CFAP47: variants seen among roughly 807,000 people sequenced by gnomAD.
CFAP47 encodes the protein cilia- and flagella-associated protein 47.
A neutral mutation model predicts 148.1 loss-of-function variants in CFAP47; 29 were observed. The observed-to-expected ratio is 0.20, with a 90% CI of 0.15 to 0.27. The LOEUF is 0.27. CFAP47 is among the 10% of genes least tolerant of loss of function. CFAP47 has a pLI of 1.00. For missense variants in CFAP47, 1,872 were observed against 1,697.5 expected, an observed-to-expected ratio of 1.10 and a Z score of -1.81; for synonymous variants, 664 against 577.3, an observed-to-expected ratio of 1.15 and a Z score of -2.15.
chrX:36,229,690 A>G (rs1370010618), intron 46 of CFAP47, among the ~76,000 whole-genome samples: 1 of 109,170 alleles, frequency 9.2e-6, no homozygotes, highest in Admixed American at 9.8e-5. Context: ...TACATGTGCC[A>G]TGCTGGTGTG....
In CFAP47 at chrX:36,179,537, A is replaced by G. The variant is rs1939725560; in HGVS notation, c.6104+115A>G. The G allele has an allele frequency of 1.9e-5, 5 of 270,051 alleles. No homozygotes were observed. The East Asian group carries it at 2.1e-4, about 11-fold the overall frequency. The allele number at this position is 270,051 out of a possible 1,213,427, so 22.3% of individuals were successfully genotyped here. On this transcript the variant is annotated intron_variant, in intron 40 of 63. Transcript: ENST00000378653. ...AGTTTACATTTATTCAAAATGTTTA[A>G]TTTACCTAATTCACACTCATATCCA...
chrX:36,128,323 A>G (rs1938883103), intron 33 of CFAP47, among the ~76,000 whole-genome samples: 1 of 111,275 alleles, frequency 9.0e-6, no homozygotes, highest in African/African-American at 3.3e-5. Flanking sequence ...TGTTATGCCT[A>G]TAAAGTAGCT....
At chrX:35,985,944 C>G in intron 15 of CFAP47, 1 of 338,271 alleles carries the variant, frequency 3.0e-6, no homozygotes. Flanking sequence ...GTGATTCTCT[C>G]AGTTAAATAC....
chrX:36,016,268 C>A (rs1040325914), intron 22 of CFAP47, among the ~76,000 whole-genome samples: 7 of 110,117 alleles, frequency 6.4e-5, no homozygotes, highest in African/African-American at 2.3e-4. Context: ...TGCTTTTGTA[C>A]CCATATACCA....
At chrX:36,267,308 G>A (rs1940904116) in intron 49 of CFAP47, among the ~76,000 whole-genome samples, 3 of 110,852 alleles carry the variant, frequency 2.7e-5, no homozygotes, top group Non-Finnish European at 5.7e-5. Context: ...GCTTATTTCA[G>A]TGAAAAAAGC....
At chrX:36,107,861 C>T (rs1038618673) in intron 33 of CFAP47, among the ~76,000 whole-genome samples, 9 of 111,250 alleles carry the variant, frequency 8.1e-5, no homozygotes, top group Non-Finnish European at 1.7e-4. Context: ...CTTTTTCTTA[C>T]GTCTCTTTTC....
chrX:36,280,598 A>C lies in CFAP47; in HGVS notation c.7556A>C (p.Glu2519Ala), dbSNP rs1941068042. The change falls in exon 50 of 64, where the codon GAA becomes GCA. Residue 2519 changes from glutamate to alanine, a missense_variant. By Grantham distance (107) the Glu-to-Ala change is moderately radical. Transcript: ENST00000378653. ...QALSCLDSIT[E>A]QSSILDDADT... is the part of the protein sequence containing the mutation. ...CTCTCCTGTCTTGATTCAATAACAG[A>C]ACAATCTAGCATTTTGGATGATGCA... The C allele has an allele frequency of 2.0e-6, 1 of 504,751 alleles. No individual in the cohort carries two copies. 41.6% of individuals were successfully genotyped at this position (504,751 alleles called of 1,213,427 possible). A position where few individuals can be genotyped will look rare whatever the true frequency, so the allele number is the denominator to read the frequency against.
At chrX:36,240,126 C>A (rs1432553627) in intron 48 of CFAP47, among the ~76,000 whole-genome samples, 1 of 111,474 alleles carries the variant, frequency 9.0e-6, no homozygotes. Flanking sequence ...TGAAAACAAA[C>A]CATTAGGAGG....
intron 4 of CFAP47, among the ~76,000 whole-genome samples, chrX:35,948,708 A>G (rs1031357989): frequency 2.7e-5 from 3 of 111,588 alleles, no homozygotes; most frequent in African/African-American, 9.8e-5. Flanking sequence ...GAAGGGCTCC[A>G]CTAACAAGGT....
chrX:36,183,853 T>A (rs947573197), intron 40 of CFAP47, among the ~76,000 whole-genome samples: 7 of 111,842 alleles, frequency 6.3e-5, no homozygotes, highest in Non-Finnish European at 9.4e-5. Context: ...TTGAAATTAA[T>A]GAATGGAACA....
At chrX:36,340,635 T>C (rs797029056) in intron 57 of CFAP47, among the ~76,000 whole-genome samples, 2 of 111,480 alleles carry the variant, frequency 1.8e-5, no homozygotes, top group South Asian at 7.5e-4. Flanking sequence ...TAACCTAATT[T>C]TCACTTAATC....
rs1940298846 is a variant in CFAP47 at position 36,228,632 on chromosome X, A to C, written c.6822A>C (p.Ser2274=). ...QVIKLSKAKA[S]DGSVPLPLQF... ...GTTTTAAAATTATTTTGATAGCTTCAGATGGATCTGTTCCACTTCCTTTGC... is the reference window on the plus strand; with the variant it reads ...GTTTTAAAATTATTTTGATAGCTTCCGATGGATCTGTTCCACTTCCTTTGC... The change falls in exon 46 of 64, where the codon TCA becomes TCC. Residue 2274 remains serine, a synonymous_variant. Transcript: ENST00000378653. 1 of 522,534 alleles carries C rather than the reference A, an allele frequency of 1.9e-6. No individual in the cohort carries two copies. The highest frequency in any genetic ancestry group is 3.5e-6 in the Non-Finnish European group (1 of 285,691). The allele number at this position is 522,534 out of a possible 1,213,427, so 43.1% of individuals were successfully genotyped here. A position where few individuals can be genotyped will look rare whatever the true frequency, so the allele number is the denominator to read the frequency against.
At chrX:36,174,424 TGCA>T (rs1481605079) in intron 39 of CFAP47, among the ~76,000 whole-genome samples, 5 of 110,708 alleles carry the variant, frequency 4.5e-5, no homozygotes, top group African/African-American at 1.3e-4. Flanking sequence ...GGCATGATTT[TGCA>T]GCAGCTGGTA....
At chrX:36,245,506 A>C in intron 48 of CFAP47, among the ~76,000 whole-genome samples, 1 of 112,322 alleles carries the variant, frequency 8.9e-6, no homozygotes, top group Middle Eastern at 4.7e-3. Context: ...ATAAACAAAT[A>C]GAAGTATGAA....
intron 51 of CFAP47, among the ~76,000 whole-genome samples, chrX:36,292,387 A>G (rs1401031414): frequency 2.7e-5 from 3 of 112,195 alleles, no homozygotes; most frequent in Non-Finnish European, 5.6e-5. Flanking sequence ...GATACTTTCA[A>G]AATACCCATT....
chrX:35,989,342 C>G lies in CFAP47; in HGVS notation c.2737C>G (p.Leu913Val). The change falls in exon 16 of 64, where the codon CTG (leucine) becomes GTG (valine). Residue 913 changes from leucine (L) to valine (V), a missense_variant. Transcript: ENST00000378653. The stretch of plus-strand genomic sequence containing the variant: ...AGGCACTGTTGAAGCATATTCCTCA[C>G]TGGAATGTGAAGTAACTTGGCAGCA... ...AKGTVEAYSS[L>V]ECEVTWQQGF... 8.3e-7 allele frequency: 1 copy of G among 1,205,206 alleles called. No individual in the cohort carries two copies. The highest frequency in any genetic ancestry group is 2.2e-5 in the Admixed American group (1 of 45,804).
In CFAP47 at chrX:36,073,143, G is replaced by A. The variant is rs780431630; in HGVS notation, c.4470G>A (p.Val1490=). ...ACAAACTAATTTTAATTTTAGGAGT[G>A]GAAGTACTGCCTGAAAATTTGCACT... The part of the protein sequence containing the change: ...EPAKGNLFIG[V]EVLPENLHLD... The change falls in exon 29 of 64, where the codon GTG becomes GTA. Residue 1490 remains valine, a synonymous_variant. Transcript: ENST00000378653. The A allele has an allele frequency of 4.2e-6, 5 of 1,200,323 alleles. No individual in the cohort carries two copies. The highest frequency in any genetic ancestry group is 1.8e-5 in the South Asian group (1 of 56,419).
chrX:36,020,234 G>A (rs201586241), intron 22 of CFAP47, among the ~76,000 whole-genome samples: 3 of 112,026 alleles, frequency 2.7e-5, no homozygotes, highest in Non-Finnish European at 5.6e-5. Context: ...AATGTTTTAA[G>A]ACTTGTTTTG....
Position 36,014,655 on chromosome X carries a change from C to T in CFAP47, c.3418-119C>T, listed in dbSNP as rs181413571. 1.3e-4 allele frequency: 33 copies of T among 260,009 alleles called. No homozygotes were observed. The East Asian group carries it at 1.8e-3, about 14-fold the overall frequency. 21.4% of individuals were successfully genotyped at this position (260,009 alleles called of 1,213,427 possible). On this transcript the variant is annotated intron_variant, in intron 21 of 63. Transcript: ENST00000378653. ...TTTTTTTAAAAATGTAGTTCAATGT[C>T]GCAAGATAATTTTATTTTTTAAAAC... is the stretch of plus-strand genomic sequence containing the variant.
Sources: allele counts gnomAD v4.1 joint callset (sites outside exome capture counted in the v4.1 genomes callset), GRCh38; gene constraint gnomAD v4.1.1; transcripts MANE v1.5; gene names NCBI Gene and HGNC (gene_info 2026-07-23, HGNC 2026-07-21).